ITFG1: variants seen among roughly 807,000 people sequenced by gnomAD.
ITFG1 encodes the protein T-cell immunomodulatory protein.
Under a neutral mutation model 81.8 loss-of-function variants are expected in ITFG1, and 34 were observed. The observed-to-expected ratio is 0.42, with a 90% CI of 0.32 to 0.55. The LOEUF (loss-of-function observed/expected upper bound fraction) is 0.55. ITFG1 is among the 20% of genes least tolerant of loss of function. ITFG1 has a pLI of 0.17. For missense variants in ITFG1, 672 were observed against 755.4 expected, an observed-to-expected ratio of 0.89 and a Z score of 1.29; for synonymous variants, 285 against 270.6, an observed-to-expected ratio of 1.05 and a Z score of -0.52.
rs1475753357 is a variant in ITFG1, at chr16:47,219,939, TAAG to T, written c.1375-996_1375-994del. Among the ~76,000 whole-genome samples, 12 of 152,310 alleles carry T rather than the reference TAAG, an allele frequency of 7.9e-5. No individual in the cohort carries two copies. In the East Asian group the frequency reaches 9.6e-4, roughly 12 times the overall value. On this transcript the variant is annotated intron_variant, in intron 13 of 17. Transcript: ENST00000320640. ...ATCACACAAATATGCAAAATAAACT[TAAG>T]AAACATTTTTATGTGGAAAGATGAA...
chr16:47,288,979 G>A (rs951807222), intron 10 of ITFG1, among the ~76,000 whole-genome samples: 5 of 152,056 alleles, frequency 3.3e-5, no homozygotes, highest in African/African-American at 1.2e-4. Context: ...GTATAATGTT[G>A]GCAGTAGGTT....
At chr16:47,198,023 G>A (rs749756717) in intron 14 of ITFG1, among the ~76,000 whole-genome samples, 4 of 152,196 alleles carry the variant, frequency 2.6e-5, no homozygotes, top group African/African-American at 9.7e-5. Context: ...TTACATTGTG[G>A]TAGGTAGTGG....
intron 6 of ITFG1, among the ~76,000 whole-genome samples, chr16:47,416,168 C>T (rs1968872383): frequency 6.6e-6 from 1 of 151,874 alleles, no homozygotes; most frequent in Admixed American, 6.6e-5. Flanking sequence ...AGAAACTCTT[C>T]ATGAGATTAT....
rs187190449 is a variant in ITFG1, at chr16:47,412,074, C to T, written c.655+16730G>A. 2.6e-4 allele frequency among the ~76,000 whole-genome samples: 39 copies of T among 152,194 alleles called. No individual in the cohort carries two copies. In the East Asian group the frequency reaches 7.3e-3, roughly 29 times the overall value. ...ATATTCAACTTAAACCACAGTCAAACCCTCAAGGGAAATACAGAACATAAA... is the reference window on the plus strand; with the variant it reads ...ATATTCAACTTAAACCACAGTCAAATCCTCAAGGGAAATACAGAACATAAA... On this transcript the variant is annotated intron_variant, in intron 6 of 17. Transcript: ENST00000320640.
At chr16:47,263,329 G>A in intron 10 of ITFG1, 2 of 474,196 alleles carry the variant, frequency 4.2e-6, no homozygotes, top group Admixed American at 2.2e-5. Flanking sequence ...AAATGGAGCA[G>A]GCCTATGATC....
At chr16:47,257,606 T>C (rs1379483083) in intron 12 of ITFG1, among the ~76,000 whole-genome samples, 1 of 152,208 alleles carries the variant, frequency 6.6e-6, no homozygotes, top group Non-Finnish European at 1.5e-5. Context: ...AAGTGCTCCA[T>C]TTGGATGAAA....
At chr16:47,277,249 T>C (rs1369914887) in intron 10 of ITFG1, among the ~76,000 whole-genome samples, 2 of 152,238 alleles carry the variant, frequency 1.3e-5, no homozygotes, top group Non-Finnish European at 2.9e-5. Flanking sequence ...ATTGGAAATA[T>C]AATCCATGCA....
At chr16:47,220,178 A>C (rs1035612706) in intron 13 of ITFG1, among the ~76,000 whole-genome samples, 7 of 152,238 alleles carry the variant, frequency 4.6e-5, no homozygotes, top group Non-Finnish European at 1.0e-4. Context: ...TTTGAAGACA[A>C]GGTCTAGAAA....
intron 8 of ITFG1, among the ~76,000 whole-genome samples, chr16:47,345,394 G>A (rs1967839348): frequency 6.6e-6 from 1 of 151,714 alleles, no homozygotes; most frequent in Non-Finnish European, 1.5e-5. Flanking sequence ...TCTGCCTCCT[G>A]GGTTCAAGCA....
chr16:47,394,634 G>T (rs1361090794), intron 6 of ITFG1, among the ~76,000 whole-genome samples: 1 of 149,346 alleles, frequency 6.7e-6, no homozygotes, highest in Admixed American at 6.6e-5. Flanking sequence ...AAATCTAAAT[G>T]GAAAAAAAAA....
At chr16:47,353,398 T>C (rs1196990373) in intron 8 of ITFG1, among the ~76,000 whole-genome samples, 1 of 151,990 alleles carries the variant, frequency 6.6e-6, no homozygotes, top group Non-Finnish European at 1.5e-5. Context: ...GGTATGTACC[T>C]CAACACAATA....
At chr16:47,388,563 G>A (rs764620014) in intron 6 of ITFG1, among the ~76,000 whole-genome samples, 2 of 151,840 alleles carry the variant, frequency 1.3e-5, no homozygotes, top group East Asian at 1.9e-4. Flanking sequence ...TCCAAATGAC[G>A]GAAGAAAAAA....
chr16:47,380,191 C>CTTAGGTTAGCAT (rs1423057626), intron 6 of ITFG1, among the ~76,000 whole-genome samples: 1 of 152,086 alleles, frequency 6.6e-6, no homozygotes, highest in East Asian at 1.9e-4. Flanking sequence ...GGTTAGATCC[C>CTTAGGTTAGCAT]TAGGTTGGAA....
At chr16:47,295,267 TTC>T (rs989175193) in intron 10 of ITFG1, among the ~76,000 whole-genome samples, 1 of 152,230 alleles carries the variant, frequency 6.6e-6, no homozygotes, top group African/African-American at 2.4e-5. Context: ...TCACCAGATT[TTC>T]TCTTTTTGTT....
At chr16:47,340,778 C>T (rs1026468521) in intron 8 of ITFG1, among the ~76,000 whole-genome samples, 33 of 151,994 alleles carry the variant, frequency 2.2e-4, no homozygotes, top group African/African-American at 7.5e-4. Flanking sequence ...CTATAAGAGA[C>T]TCTACATAGA....
At chr16:47,194,711 T>C (rs1044774945) in intron 14 of ITFG1, among the ~76,000 whole-genome samples, 3 of 152,038 alleles carry the variant, frequency 2.0e-5, no homozygotes, top group African/African-American at 7.2e-5. Flanking sequence ...TTAATATATA[T>C]ATATATTTAA....
intron 14 of ITFG1, among the ~76,000 whole-genome samples, chr16:47,206,588 T>C (rs888080358): frequency 6.6e-6 from 1 of 152,222 alleles, no homozygotes; most frequent in African/African-American, 2.4e-5. Flanking sequence ...ATGGATCTGC[T>C]TATTCTAGGC....
chr16:47,331,892 T>G (rs1415047248), intron 8 of ITFG1, among the ~76,000 whole-genome samples: 2 of 152,208 alleles, frequency 1.3e-5, no homozygotes, highest in African/African-American at 4.8e-5. Context: ...GCTGTAATTA[T>G]AATTTCCACT....
chr16:47,274,601 A>G (rs1197713526), intron 10 of ITFG1, among the ~76,000 whole-genome samples: 1 of 152,220 alleles, frequency 6.6e-6, no homozygotes, highest in Non-Finnish European at 1.5e-5. Flanking sequence ...TGAAGATTTA[A>G]GCTTCACATG....
Sources: gnomAD v4.1 joint callset for allele counts (sites outside exome capture counted in the v4.1 genomes callset) on GRCh38, gnomAD v4.1.1 for gene constraint, MANE v1.5 for transcripts, NCBI Gene and HGNC (gene_info 2026-07-23, HGNC 2026-07-21) for gene names.